Variants in MAD1L1 observed in about 807,000 individuals in gnomAD.
MAD1L1 encodes the protein mitotic spindle assembly checkpoint protein MAD1.
In MAD1L1, 95 loss-of-function variants were observed where a neutral mutation model predicts 96.9. The ratio of observed to expected loss-of-function variants is 0.98; its 90% CI spans 0.83 to 1.16. The LOEUF is 1.16. Among genes scored for constraint, MAD1L1 ranks in the 50% most tolerant of loss-of-function variants. The probability of loss-of-function intolerance (pLI) is 0.00; values close to 1 mark genes in which losing one functional copy is unlikely to be tolerated. For synonymous variants in MAD1L1, 473 were observed against 396.6 expected (o/e 1.19, Z -2.29); for missense variants, 1,007 against 954.4 (o/e 1.06, Z -0.73).
chr7:2,219,273 T>G lies in MAD1L1; in HGVS notation c.596+59A>C, dbSNP rs1793457543. ...TCCCACCCAGCCACCAGGAGAGAGGTGGGACGCATGCCCCCACACGTGACC... is the reference window on the plus strand; with the variant it reads ...TCCCACCCAGCCACCAGGAGAGAGGGGGGACGCATGCCCCCACACGTGACC... On this transcript the variant is annotated intron_variant, in intron 6 of 18. Coordinates refer to ENST00000265854, the MANE Select transcript of MAD1L1 (RefSeq NM_001013836.2). 46 of 1,470,864 alleles carry G rather than the reference T, an allele frequency of 3.1e-5. No individual in the cohort carries two copies. The South Asian group carries it at 5.2e-4, about 17-fold the overall frequency. 91.1% of individuals were successfully genotyped at this position (1,470,864 alleles called of 1,614,324 possible).
chr7:2,060,215 T>TTACGCCGATGCCGAGA lies in MAD1L1; in HGVS notation c.1218+8963_1218+8978dup, dbSNP rs1210270680. Among the ~76,000 whole-genome samples the TTACGCCGATGCCGAGA allele has an allele frequency of 2.9e-3, 164 of 55,782 alleles. 2 individuals carry two copies. The highest frequency in any genetic ancestry group is 5.4e-3 in the African/African-American group (90 of 16,706). The allele number at this position is 55,782 out of a possible 152,430, so 36.6% of individuals were successfully genotyped here. A position where few individuals can be genotyped will look rare whatever the true frequency, so the allele number is the denominator to read the frequency against. ...GATGCCAAGATACGCAGATGCCAAGTTACGCCGATGCCGAGATACGCCGAT... is the reference window on the plus strand; with the variant it reads ...GATGCCAAGATACGCAGATGCCAAGTTACGCCGATGCCGAGATACGCCGATGCCGAGATACGCCGAT... On this transcript the variant is annotated intron_variant, in intron 12 of 18. Coordinates refer to ENST00000265854, the MANE Select transcript of MAD1L1 (RefSeq NM_001013836.2).
chr7:2,037,365 C>T (rs934782964), intron 12 of MAD1L1, among the ~76,000 whole-genome samples: 1 of 152,334 alleles, frequency 6.6e-6, no homozygotes, highest in East Asian at 1.9e-4. Context: ...CCCAGGCACG[C>T]CTTGCTCTCC....
intron 18 of MAD1L1, among the ~76,000 whole-genome samples, chr7:1,818,342 C>A (rs1304991968): frequency 1.3e-5 from 2 of 152,102 alleles, no homozygotes; most frequent in African/African-American, 4.8e-5. Flanking sequence ...CCTTCCCCGG[C>A]CCTCAGAGGC....
At chr7:1,870,103 A>T (rs1359597690) in intron 18 of MAD1L1, among the ~76,000 whole-genome samples, 1 of 151,992 alleles carries the variant, frequency 6.6e-6, no homozygotes, top group Admixed American at 6.5e-5. Flanking sequence ...CTGACCCCAG[A>T]TGCGAGCCGC....
At chr7:1,896,817 A>G (rs2128441225) in intron 18 of MAD1L1, among the ~76,000 whole-genome samples, 1 of 152,372 alleles carries the variant, frequency 6.6e-6, no homozygotes, top group African/African-American at 2.4e-5. Context: ...GTAAATGTTG[A>G]TGTAACGAGT....
intron 11 of MAD1L1, among the ~76,000 whole-genome samples, chr7:2,101,784 T>G (rs1786792252): frequency 6.6e-6 from 1 of 152,140 alleles, no homozygotes; most frequent in Admixed American, 6.5e-5. Context: ...TCTATGCTGC[T>G]CACCCACTAG....
intron 12 of MAD1L1, among the ~76,000 whole-genome samples, chr7:2,038,102 C>A (rs973313888): frequency 4.6e-5 from 7 of 152,194 alleles, no homozygotes; most frequent in Admixed American, 4.6e-4. Flanking sequence ...ACGGAGAAGT[C>A]TGAGTGGTCT....
chr7:2,231,922 C>T (rs890654042), intron 1 of MAD1L1, among the ~76,000 whole-genome samples: 4 of 152,116 alleles, frequency 2.6e-5, no homozygotes, highest in Non-Finnish European at 5.9e-5. Flanking sequence ...GATGGGAATA[C>T]GGCTGCAGGT....
intron 11 of MAD1L1, among the ~76,000 whole-genome samples, chr7:2,074,480 G>A (rs1418449319): frequency 6.6e-6 from 1 of 152,230 alleles, no homozygotes; most frequent in Non-Finnish European, 1.5e-5. Flanking sequence ...TCTGCATGGG[G>A]ACCCTGGAGG....
chr7:2,161,044 TG>T (rs924092872), intron 10 of MAD1L1, among the ~76,000 whole-genome samples: 4 of 136,180 alleles, frequency 2.9e-5, no homozygotes, highest in Admixed American at 2.3e-4. Context: ...GCACTATAAA[TG>T]GGGCAGCAAT....
chr7:2,168,583 G>A (rs1790550634), intron 10 of MAD1L1, among the ~76,000 whole-genome samples: 1 of 152,242 alleles, frequency 6.6e-6, no homozygotes. Flanking sequence ...GGGAGGAAGG[G>A]ACCAGGAGAC....
intron 12 of MAD1L1, among the ~76,000 whole-genome samples, chr7:2,033,729 T>C (rs10225180): frequency 0.19 from 29,140 of 152,086 alleles, 5,506 homozygotes; most frequent in African/African-American, 0.49. Flanking sequence ...GGGACAGCAG[T>C]CACGGGCGCT....
intron 11 of MAD1L1, among the ~76,000 whole-genome samples, chr7:2,123,006 TAA>T: frequency 6.6e-6 from 1 of 152,104 alleles, no homozygotes; most frequent in Middle Eastern, 3.4e-3. Context: ...GAGTCTGGCT[TAA>T]AAAGCAGCAG....
chr7:2,029,466 C>T (rs1783123211), intron 12 of MAD1L1, among the ~76,000 whole-genome samples: 3 of 152,154 alleles, frequency 2.0e-5, no homozygotes, highest in South Asian at 4.1e-4. Flanking sequence ...GACCGTGGAG[C>T]TGAGACATGG....
chr7:2,228,351 C>G (rs1248100572), intron 3 of MAD1L1, among the ~76,000 whole-genome samples: 2 of 151,924 alleles, frequency 1.3e-5, no homozygotes, highest in Admixed American at 6.6e-5. Flanking sequence ...CTCCGCCTCC[C>G]AGGTTCAAGC....
intron 17 of MAD1L1, among the ~76,000 whole-genome samples, chr7:1,908,818 C>T (rs62442899): frequency 0.15 from 23,379 of 152,008 alleles, 2,213 homozygotes; most frequent in South Asian, 0.28. Context: ...TTATGAAACT[C>T]CCCCAGCATG....
rs533688586 is a variant in MAD1L1, at chr7:1,850,636, C to T, written c.1999-34408G>A. Among the ~76,000 whole-genome samples, 6 of 152,264 alleles carry T rather than the reference C, an allele frequency of 3.9e-5. No homozygotes were observed. The East Asian group carries it at 5.8e-4, about 15-fold the overall frequency. ...GAAGGCACGGGGCTGGACCCAGGTC[C>T]GGGGACCCCCAAAGCCATGGTTGCC... On this transcript the variant is annotated intron_variant, in intron 18 of 18. Transcript: ENST00000265854.
At chr7:2,115,947 C>T (rs1454486009) in intron 11 of MAD1L1, among the ~76,000 whole-genome samples, 1 of 152,188 alleles carries the variant, frequency 6.6e-6, no homozygotes, top group African/African-American at 2.4e-5. Flanking sequence ...ACCACCTAAA[C>T]ACAGAATGCG....
intron 15 of MAD1L1, among the ~76,000 whole-genome samples, chr7:1,970,174 G>A (rs534664465): frequency 1.1e-3 from 165 of 152,260 alleles, no homozygotes; most frequent in Middle Eastern, 6.8e-3. Flanking sequence ...TGCAGCTGCC[G>A]GGAGGTCCCT....
Sources: allele counts gnomAD v4.1 joint callset (sites outside exome capture counted in the v4.1 genomes callset), GRCh38; gene constraint gnomAD v4.1.1; transcripts MANE v1.5; gene names NCBI Gene and HGNC (gene_info 2026-07-23, HGNC 2026-07-21).